ZNF764: variants seen among roughly 807,000 people sequenced by gnomAD.
ZNF764 encodes the protein zinc finger protein 764.
In ZNF764, 10 loss-of-function variants were observed where a neutral mutation model predicts 13.9. The observed-to-expected ratio is 0.72, with a 90% CI of 0.44 to 1.22. The LOEUF (loss-of-function observed/expected upper bound fraction) is 1.22. ZNF764 is among the 50% of genes most tolerant of loss of function. ZNF764 has a pLI of 0.00. For synonymous variants in ZNF764, 313 were observed against 255.1 expected, an observed-to-expected ratio of 1.23 and a Z score of -2.16; for missense variants, 647 against 589.7, an observed-to-expected ratio of 1.10 and a Z score of -1.01.
intron 2 of ZNF764, 66 bp from the exon 3 acceptor site, chr16:30,556,173 G>A (rs2051555068): frequency 1.3e-6 from 2 of 1,570,944 alleles, no homozygotes; most frequent in African/African-American, 1.3e-5. Context: ...CCCACAGCCC[G>A]CGTGGACAGG....
chr16:30,557,834 T>C lies in ZNF764; in HGVS notation c.209A>G (p.Asn70Ser), dbSNP rs749749553. ...GHLSALGIGG[N>S]KPALISWVEE... ...CACCCAGGAGATGAGAGCTGGCTTG[T>C]TGCCTCCGATTCCTAGGGAAGAAGA... Residue 70 changes from asparagine (N) to serine (S), a missense_variant, in exon 2 of 3, where the codon AAC becomes AGC. By Grantham distance (46) the Asn-to-Ser change is conservative. Coordinates refer to ENST00000395091, the MANE Select transcript of ZNF764 (RefSeq NM_001172679.2). 6.2e-7 allele frequency: 1 copy of C among 1,607,076 alleles called. No individual in the cohort carries two copies. Among genetic ancestry groups the C allele is most frequent in the Non-Finnish European group, 8.5e-7 (1 of 1,176,560 alleles).
chr16:30,558,057 G>A lies in ZNF764; in HGVS notation c.126C>T (p.Cys42=), dbSNP rs1597134014. The change falls in exon 1 of 3, where the codon TGC becomes TGT. Residue 42 remains cysteine (C), a synonymous_variant. Transcript: ENST00000395091. ...AVYFCREEWG[C]LRPAQRALYR... is the part of the protein sequence containing the mutation. ...ACAGGGCCCTCTGCGCTGGCCGCAA[G>A]CAGCCCCACTCCTCCCGGCAGAAGT... 6.2e-7 allele frequency: 1 copy of A among 1,612,234 alleles called. No individual in the cohort carries two copies. The highest frequency in any genetic ancestry group is 8.5e-7 in the Non-Finnish European group (1 of 1,179,448).
Position 30,554,003 on chromosome 16 carries a change from C to G in ZNF764, c.*1191G>C, listed in dbSNP as rs1378941558. 6.6e-6 allele frequency: 1 copy of G among 152,218 alleles called. No individual in the cohort carries two copies. Among genetic ancestry groups the G allele is most frequent in the East Asian group, 1.9e-4 (1 of 5,202 alleles). The allele number at this position is 152,218 out of a possible 1,614,324, so 9.4% of individuals were successfully genotyped here. ...AACACCAAAAACACTAAAAGCAAGC[C>G]ATGATGAATGGCACGTGGTGCTTGG... On this transcript the variant is annotated 3_prime_UTR_variant, in exon 3 of 3. Transcript: ENST00000395091.
Position 30,558,037 on chromosome 16 carries a change from GC to G in ZNF764, c.145del (p.Ala49ProfsTer6). 1 of 1,611,712 alleles carries G rather than the reference GC, an allele frequency of 6.2e-7. No homozygotes were observed. Among genetic ancestry groups the G allele is most frequent in the Non-Finnish European group, 8.5e-7 (1 of 1,179,284 alleles). On this transcript the variant is annotated frameshift_variant, in exon 1 of 3. Transcript: ENST00000395091. LOFTEE classifies it high-confidence loss of function. ...EWGCLRPAQR[A>X]LYRDVMRETY... ...CTCCCGCATCACGTCCCGGTACAGG[GC>G]CCTCTGCGCTGGCCGCAAGCAGCCC...
In ZNF764 at chr16:30,558,027, C is replaced by T; in HGVS notation, c.156G>A (p.Arg52=). ...CLRPAQRALY[R]DVMRETYGHL... is the part of the protein sequence containing the mutation. ...GGCCGTAGGTCTCCCGCATCACGTC[C>T]CGGTACAGGGCCCTCTGCGCTGGCC... The change falls in exon 1 of 3, where the codon CGG becomes CGA. Residue 52 remains arginine (R), a synonymous_variant. Transcript: ENST00000395091. 1.2e-6 allele frequency: 2 copies of T among 1,611,432 alleles called. No homozygotes were observed. Among genetic ancestry groups the T allele is most frequent in the Non-Finnish European group, 1.7e-6 (2 of 1,179,076 alleles).
chr16:30,558,060 G>C lies in ZNF764; in HGVS notation c.123C>G (p.Gly41=). 6 of 1,612,252 alleles carry C rather than the reference G, an allele frequency of 3.7e-6. No homozygotes were observed. Among genetic ancestry groups the C allele is most frequent in the Non-Finnish European group, 5.1e-6 (6 of 1,179,452 alleles). ...GGGCCCTCTGCGCTGGCCGCAAGCA[G>C]CCCCACTCCTCCCGGCAGAAGTACA... ...VAVYFCREEW[G]CLRPAQRALY... The change falls in exon 1 of 3, where the codon GGC becomes GGG. Residue 41 remains glycine, a synonymous_variant. Coordinates refer to ENST00000395091, the MANE Select transcript of ZNF764 (RefSeq NM_001172679.2).
chr16:30,557,652 A>C (rs944198243), intron 2 of ZNF764, 81 bp downstream of exon 2: 1 of 1,560,262 alleles, frequency 6.4e-7, no homozygotes, highest in Non-Finnish European at 8.7e-7. Flanking sequence ...ACTGCTAAGC[A>C]GGTAGCTGGA....
At position 30,555,822 on chromosome 16, in the gene ZNF764, T is replaced by TCGCCAGTGTGACTGTAGACGTGCTC. The variant is rs768508449; in HGVS notation, c.571_595dup (p.Glu199GlyfsTer16). 3 of 1,611,774 alleles carry TCGCCAGTGTGACTGTAGACGTGCTC rather than the reference T, an allele frequency of 1.9e-6. No homozygotes were observed. The highest frequency in any genetic ancestry group is 2.5e-6 in the Non-Finnish European group (3 of 1,179,914). ...GCAGTCAGTGCAGTGGAAGGGCTTC[T>TCGCCAGTGTGACTGTAGACGTGCTC]CGCCAGTGTGACTGTAGACGTGCTC... On this transcript the variant is annotated frameshift_variant, in exon 3 of 3. Coordinates refer to ENST00000395091, the MANE Select transcript of ZNF764 (RefSeq NM_001172679.2). LOFTEE classifies it low-confidence loss of function (END_TRUNC).
rs1274223951 is a variant in ZNF764 at position 30,558,078 on chromosome 16, G to A, written c.105C>T (p.Phe35=). 6.2e-7 allele frequency: 1 copy of A among 1,611,990 alleles called. No individual in the cohort carries two copies. Among genetic ancestry groups the A allele is most frequent in the Admixed American group, 1.7e-5 (1 of 59,882 alleles). The change falls in exon 1 of 3, where the codon TTC becomes TTT. Residue 35 remains phenylalanine (F), a synonymous_variant. Transcript: ENST00000395091. ...AVSFADVAVY[F]CREEWGCLRP... is the part of the protein sequence containing the mutation. ...GCAAGCAGCCCCACTCCTCCCGGCA[G>A]AAGTACACGGCCACGTCCGCGAAGC...
chr16:30,557,958 G>A, intron 1 of ZNF764, 29 bp downstream of exon 1: 2 of 1,581,836 alleles, frequency 1.3e-6, no homozygotes, highest in South Asian at 1.1e-5. Context: ...TGGGGGCGCA[G>A]GGCTCAGGCG....
chr16:30,557,243 T>G (rs887209610), intron 2 of ZNF764, among the ~76,000 whole-genome samples: 13 of 150,638 alleles, frequency 8.6e-5, no homozygotes, highest in African/African-American at 2.9e-4. Context: ...GAGTGGGAGG[T>G]TGCAGTGAAC....
Position 30,555,960 on chromosome 16 carries a change from G to T in ZNF764, c.458C>A (p.Ala153Glu). The T allele has an allele frequency of 6.2e-7, 1 of 1,611,896 alleles. No individual in the cohort carries two copies. ...PPYGWEQLSK[A>E]PHRGRPSLCA... ...GAGGGAGGGGCGTCCCCGGTGCGGT[G>T]CCTTGGACAGCTGCTCCCAACCATA... The change falls in exon 3 of 3, where the codon GCA (alanine) becomes GAA (glutamate). Residue 153 changes from alanine (A) to glutamate (E), a missense_variant. Transcript: ENST00000395091.
rs919473844 is a variant in ZNF764, at chr16:30,555,460, C to T, written c.958G>A (p.Gly320Arg). 1.9e-6 allele frequency: 3 copies of T among 1,546,628 alleles called. No individual in the cohort carries two copies. The highest frequency in any genetic ancestry group is 1.2e-5 in the South Asian group (1 of 82,522). The stretch of plus-strand genomic sequence containing the variant: ...TCCGAGCTCTGGCGGAAGCAGCGCC[C>T]GCAGTCCGGGCACGGGTAGGGCTTC... ...GEKPYPCPDC[G>R]RCFRQSSEMA... Residue 320 changes from glycine (G) to arginine (R), a missense_variant, in exon 3 of 3, where the codon GGG (glycine) becomes AGG (arginine). Physicochemically the swap from Gly to Arg is moderately radical, Grantham distance 125. Coordinates refer to ENST00000395091, the MANE Select transcript of ZNF764 (RefSeq NM_001172679.2).
In ZNF764 at chr16:30,555,817, G is replaced by A. The variant is rs1038200505; in HGVS notation, c.601C>T (p.Pro201Ser). 1 of 1,611,658 alleles carries A rather than the reference G, an allele frequency of 6.2e-7. No individual in the cohort carries two copies. Among genetic ancestry groups the A allele is most frequent in the African/African-American group, 1.3e-5 (1 of 75,022 alleles). ...EHVYSHTGEK[P>S]FHCTDCGKGF... ...TTGCCGCAGTCAGTGCAGTGGAAGG[G>A]CTTCTCGCCAGTGTGACTGTAGACG... Residue 201 changes from proline (P) to serine (S), a missense_variant, in exon 3 of 3, where the codon CCC becomes TCC. Transcript: ENST00000395091.
In ZNF764 at chr16:30,556,022, C is replaced by G. The variant is rs2051553159; in HGVS notation, c.396G>C (p.Gly132=). Residue 132 remains glycine (G), a synonymous_variant, in exon 3 of 3, where the codon GGG becomes GGC. Coordinates refer to ENST00000395091, the MANE Select transcript of ZNF764 (RefSeq NM_001172679.2). The stretch of plus-strand genomic sequence containing the variant: ...CCGAGGGGGCTTGGGGAGACTTCAG[C>G]CCAGGAGACCCGGCGGCCACAGGGT... ...KPDPVAAGSP[G]LKSPQAPSAG... 6.2e-7 allele frequency: 1 copy of G among 1,612,666 alleles called. No homozygotes were observed. The highest frequency in any genetic ancestry group is 8.5e-7 in the Non-Finnish European group (1 of 1,179,986).
rs144865125 is a variant in ZNF764, at chr16:30,557,250, G to C, written c.310+483C>G. ...GAACCTGGGAGTGGGAGGTTGCAGT[G>C]AACTGAGATGGCACCACTGCACTCC... is the stretch of plus-strand genomic sequence containing the variant. On this transcript the variant is annotated intron_variant, in intron 2 of 2. Transcript: ENST00000395091. 4.4e-3 allele frequency among the ~76,000 whole-genome samples: 670 copies of C among 152,060 alleles called. 7 individuals are homozygous for C. The highest frequency in any genetic ancestry group is 0.015 in the African/African-American group (625 of 41,472).
rs947736328 is a variant in ZNF764 at position 30,554,731 on chromosome 16, T to G, written c.*463A>C. The stretch of plus-strand genomic sequence containing the variant: ...TGCAGGTTGAGGCTGCAGTTAGCCC[T>G]GTTCACACCACTGCACTCCAGCCTG... On this transcript the variant is annotated 3_prime_UTR_variant, in exon 3 of 3. Coordinates refer to ENST00000395091, the MANE Select transcript of ZNF764 (RefSeq NM_001172679.2). 6.6e-6 allele frequency: 1 copy of G among 151,688 alleles called. No homozygotes were observed. The highest frequency in any genetic ancestry group is 1.5e-5 in the Non-Finnish European group (1 of 68,672). The allele number at this position is 151,688 out of a possible 1,614,324, so 9.4% of individuals were successfully genotyped here.
At chr16:30,557,900 CG>C in intron 1 of ZNF764, 54 bp from the exon 2 acceptor site, 1 of 1,572,168 alleles carries the variant, frequency 6.4e-7, no homozygotes, top group South Asian at 1.1e-5. Flanking sequence ...TGCCCGGCCC[CG>C]GGGCCCCCAA....
rs1412390075 is a variant in ZNF764, at chr16:30,557,982, C to G, written c.196+5G>C. 1.9e-6 allele frequency: 3 copies of G among 1,595,198 alleles called. No homozygotes were observed. Among genetic ancestry groups the G allele is most frequent in the African/African-American group, 1.3e-5 (1 of 74,076 alleles). ...AGGGCTCAGGCGAGCAGGTGGGGCT[C>G]TCACCGAGAGCGCTCAGGTGGCCGT... is the stretch of plus-strand genomic sequence containing the variant. On this transcript the variant is annotated splice_donor_5th_base_variant and intron_variant, in intron 1 of 2. Transcript: ENST00000395091.
Sources: gnomAD v4.1 joint callset for allele counts (sites outside exome capture counted in the v4.1 genomes callset) on GRCh38, gnomAD v4.1.1 for gene constraint, MANE v1.5 for transcripts, NCBI Gene and HGNC (gene_info 2026-07-23, HGNC 2026-07-21) for gene names.